The following ZFPM2 variants were observed in gnomAD, a reference collection of about 807,000 sequenced individuals.
ZFPM2 encodes the protein zinc finger protein, FOG family member 2.
Under a neutral mutation model 98.6 loss-of-function variants are expected in ZFPM2, and 20 were observed. That is an observed-to-expected ratio of 0.20 (90% CI 0.14 to 0.29). The LOEUF is 0.29. Ranked by LOEUF, ZFPM2 falls within the 10% of genes least tolerant of loss-of-function variation. ZFPM2 has a pLI of 1.00. For synonymous variants in ZFPM2, 518 were observed against 502.7 expected (o/e 1.03, Z -0.41); for missense variants, 1,310 against 1,388.6 (o/e 0.94, Z 0.90).
At chr8:105,694,605 T>C (rs1268984112) in intron 5 of ZFPM2, among the ~76,000 whole-genome samples, 1 of 152,198 alleles carries the variant, frequency 6.6e-6, no homozygotes, top group South Asian at 2.1e-4. Context: ...TGGAAGTTGA[T>C]GAACAATCAA....
intron 5 of ZFPM2, among the ~76,000 whole-genome samples, chr8:105,752,716 C>G (rs1425323595): frequency 6.6e-6 from 1 of 152,078 alleles, no homozygotes; most frequent in Non-Finnish European, 1.5e-5. Flanking sequence ...GCTTCCAACC[C>G]TAACCTCTTC....
intron 5 of ZFPM2, among the ~76,000 whole-genome samples, chr8:105,673,137 T>C (rs578120758): frequency 6.6e-6 from 1 of 151,486 alleles, no homozygotes; most frequent in East Asian, 1.9e-4. Flanking sequence ...AGGGAAGAAC[T>C]TAAATATATT....
intron 1 of ZFPM2, among the ~76,000 whole-genome samples, chr8:105,382,088 C>A (rs1419524162): frequency 6.6e-6 from 1 of 152,020 alleles, no homozygotes; most frequent in African/African-American, 2.4e-5. Flanking sequence ...ACAAGATAAG[C>A]TATTTAGAGA....
At chr8:105,613,889 G>A (rs1053220945) in intron 4 of ZFPM2, among the ~76,000 whole-genome samples, 15 of 152,180 alleles carry the variant, frequency 9.9e-5, no homozygotes, top group Non-Finnish European at 1.9e-4. Context: ...GTTACATGAT[G>A]TAACTGTCTT....
chr8:105,691,377 T>C (rs1810877640), intron 5 of ZFPM2, among the ~76,000 whole-genome samples: 1 of 141,962 alleles, frequency 7.0e-6, no homozygotes, highest in Non-Finnish European at 1.5e-5. Context: ...GCCTCCCGAG[T>C]AGCCGGGACT....
At chr8:105,509,729 T>C (rs1813776955) in intron 3 of ZFPM2, among the ~76,000 whole-genome samples, 4 of 152,140 alleles carry the variant, frequency 2.6e-5, no homozygotes, top group African/African-American at 2.4e-5. Flanking sequence ...TCCTCACTTT[T>C]TATCATTTTT....
At chr8:105,393,832 C>T (rs2129948654) in intron 1 of ZFPM2, among the ~76,000 whole-genome samples, 1 of 151,682 alleles carries the variant, frequency 6.6e-6, no homozygotes, top group Non-Finnish European at 1.5e-5. Flanking sequence ...TATTCCTAAC[C>T]ACAATTTGGG....
At chr8:105,701,839 C>T (rs138596771) in intron 5 of ZFPM2, among the ~76,000 whole-genome samples, 2 of 152,232 alleles carry the variant, frequency 1.3e-5, no homozygotes, top group African/African-American at 2.4e-5. Context: ...GGGGAATTTT[C>T]GTTTAAGCAT....
At chr8:105,657,670 A>G (rs879420048) in intron 5 of ZFPM2, among the ~76,000 whole-genome samples, 4 of 152,136 alleles carry the variant, frequency 2.6e-5, no homozygotes, top group Non-Finnish European at 4.4e-5. Context: ...CCTTGTATGC[A>G]GTATCTCCTT....
chr8:105,738,009 T>G (rs577764228), intron 5 of ZFPM2, among the ~76,000 whole-genome samples: 1 of 152,016 alleles, frequency 6.6e-6, no homozygotes, highest in South Asian at 2.1e-4. Flanking sequence ...TAAGTTTTTT[T>G]GATAGTTTTT....
At position 105,460,220 on chromosome 8, in the gene ZFPM2, T is replaced by C. The variant is rs549994758; in HGVS notation, c.301+15839T>C. 7.2e-5 allele frequency among the ~76,000 whole-genome samples: 11 copies of C among 152,292 alleles called. No homozygotes were observed. The South Asian group carries it at 2.1e-3, about 29-fold the overall frequency. ...GGTTTTCAATAGTGACACCAAAACA[T>C]AGCAAGCAAAGCTGGGACTCCAGTG... On this transcript the variant is annotated intron_variant, in intron 3 of 7. Transcript: ENST00000407775.
intron 5 of ZFPM2, among the ~76,000 whole-genome samples, chr8:105,661,858 C>T (rs960063778): frequency 5.3e-5 from 8 of 152,012 alleles, no homozygotes; most frequent in Admixed American, 2.6e-4. Context: ...AATGGGGACA[C>T]GTTTAATTGA....
At chr8:105,371,008 C>G (rs73298197) in intron 1 of ZFPM2, among the ~76,000 whole-genome samples, 1 of 152,106 alleles carries the variant, frequency 6.6e-6, no homozygotes, top group Non-Finnish European at 1.5e-5. Context: ...TTGGGTGCTA[C>G]TGACTCTGTG....
At chr8:105,408,633 A>G (rs528116466) in intron 1 of ZFPM2, among the ~76,000 whole-genome samples, 1 of 151,870 alleles carries the variant, frequency 6.6e-6, no homozygotes, top group Non-Finnish European at 1.5e-5. Flanking sequence ...TAAAGTTTGT[A>G]TTCCAAACAA....
chr8:105,469,653 CAAG>C (rs1586395287), intron 3 of ZFPM2, among the ~76,000 whole-genome samples: 2 of 152,184 alleles, frequency 1.3e-5, no homozygotes, highest in African/African-American at 4.8e-5. Context: ...ATCAGTAAAA[CAAG>C]AATAATAGTA....
chr8:105,437,467 G>C (rs1812142855), intron 2 of ZFPM2, among the ~76,000 whole-genome samples: 1 of 148,562 alleles, frequency 6.7e-6, no homozygotes, highest in Admixed American at 6.7e-5. Context: ...CCCTTAATAG[G>C]TTGAATTACA....
chr8:105,744,322 G>A (rs1812293884), intron 5 of ZFPM2, among the ~76,000 whole-genome samples: 1 of 152,100 alleles, frequency 6.6e-6, no homozygotes, highest in Non-Finnish European at 1.5e-5. Flanking sequence ...CTCCTTCCCA[G>A]TCTATCATAT....
intron 1 of ZFPM2, among the ~76,000 whole-genome samples, chr8:105,400,185 C>A (rs1183680363): frequency 6.6e-6 from 1 of 151,918 alleles, no homozygotes; most frequent in African/African-American, 2.4e-5. Context: ...TGATTAATAA[C>A]CAATTTTGCT....
chr8:105,436,908 T>C (rs1438707162), intron 2 of ZFPM2, among the ~76,000 whole-genome samples: 1 of 152,218 alleles, frequency 6.6e-6, no homozygotes, highest in East Asian at 1.9e-4. Flanking sequence ...GATGACATGA[T>C]CTATACCTTA....
Sources: allele counts gnomAD v4.1 joint callset (sites outside exome capture counted in the v4.1 genomes callset), GRCh38; gene constraint gnomAD v4.1.1; transcripts MANE v1.5; gene names NCBI Gene and HGNC (gene_info 2026-07-23, HGNC 2026-07-21).